L3MBTL4: variants seen among roughly 807,000 people sequenced by gnomAD.
The protein encoded by L3MBTL4 is L3MBTL histone methyl-lysine binding protein 4.
L3MBTL4 carries 70 observed loss-of-function variants against 84.5 expected under a neutral mutation model. The ratio of observed to expected loss-of-function variants is 0.83; its 90% CI spans 0.68 to 1.01. The LOEUF (loss-of-function observed/expected upper bound fraction) is 1.01, where lower values mean the gene tolerates loss of function less well. Ranked by LOEUF, L3MBTL4 falls within the 50% of genes least tolerant of loss-of-function variation. The pLI is 0.00. For synonymous variants in L3MBTL4, 274 were observed against 259.8 expected, an observed-to-expected ratio of 1.05 and a Z score of -0.52; for missense variants, 715 against 754.8, an observed-to-expected ratio of 0.95 and a Z score of 0.62.
At chr18:5,968,942 T>A (rs1015028668) in intron 17 of L3MBTL4, among the ~76,000 whole-genome samples, 1 of 152,118 alleles carries the variant, frequency 6.6e-6, no homozygotes, top group African/African-American at 2.4e-5. Flanking sequence ...CTGGATCCCA[T>A]AAGACCACAG....
In L3MBTL4 at chr18:6,384,147, A is replaced by C. The variant is rs1054800609; in HGVS notation, c.-91+30654T>G. ...CACTCTTCACTCATCAGAAGGAGGA[A>C]GCCACTGCTGCCCTACTGTGCAGAA... On this transcript the variant is annotated intron_variant, in intron 1 of 18. Coordinates refer to ENST00000317931, the MANE Select transcript of L3MBTL4 (RefSeq NM_001330559.2). Among the ~76,000 whole-genome samples, 11 of 152,274 alleles carry C rather than the reference A, an allele frequency of 7.2e-5. No homozygotes were observed. The South Asian group carries it at 1.7e-3, about 23-fold the overall frequency.
chr18:6,258,221 C>T (rs1568393537), intron 5 of L3MBTL4, among the ~76,000 whole-genome samples: 3 of 152,152 alleles, frequency 2.0e-5, no homozygotes, highest in South Asian at 4.1e-4. Context: ...CCAGCATAGA[C>T]CTGCTTTCCT....
chr18:6,094,843 G>A (rs2058578128), intron 14 of L3MBTL4, among the ~76,000 whole-genome samples: 1 of 152,096 alleles, frequency 6.6e-6, no homozygotes, highest in Non-Finnish European at 1.5e-5. Flanking sequence ...GGGACAGGAT[G>A]GCTAAGATGA....
chr18:6,315,299 A>T (rs1221581929), intron 1 of L3MBTL4, among the ~76,000 whole-genome samples: 1 of 152,220 alleles, frequency 6.6e-6, no homozygotes, highest in Non-Finnish European at 1.5e-5. Context: ...TCCAGTTGAT[A>T]CTCGATGTTA....
At chr18:6,273,787 T>A (rs1188125023) in intron 4 of L3MBTL4, among the ~76,000 whole-genome samples, 1 of 152,192 alleles carries the variant, frequency 6.6e-6, no homozygotes, top group Non-Finnish European at 1.5e-5. Flanking sequence ...AAAACAGGAT[T>A]TTTTATAAGA....
intron 5 of L3MBTL4, among the ~76,000 whole-genome samples, chr18:6,255,103 C>T (rs944605217): frequency 1.3e-5 from 2 of 152,192 alleles, no homozygotes; most frequent in African/African-American, 4.8e-5. Context: ...ACATATTTTT[C>T]CCCCAATGAC....
chr18:6,098,144 G>T (rs370171002), intron 14 of L3MBTL4, among the ~76,000 whole-genome samples: 3 of 152,208 alleles, frequency 2.0e-5, no homozygotes, highest in East Asian at 3.9e-4. Flanking sequence ...CCAGGCAGGA[G>T]ACTTGATTCC....
intron 1 of L3MBTL4, among the ~76,000 whole-genome samples, chr18:6,335,422 G>A (rs2052282475): frequency 6.6e-6 from 1 of 152,086 alleles, no homozygotes; most frequent in African/African-American, 2.4e-5. Context: ...AAAATAATAT[G>A]CTATCACAGC....
intron 13 of L3MBTL4, among the ~76,000 whole-genome samples, chr18:6,141,588 C>T (rs559523511): frequency 6.6e-6 from 1 of 152,282 alleles, no homozygotes; most frequent in East Asian, 1.9e-4. Flanking sequence ...GGATCCTTGA[C>T]ATCATTTCTC....
intron 1 of L3MBTL4, among the ~76,000 whole-genome samples, chr18:6,361,419 C>T (rs2053689300): frequency 6.6e-6 from 1 of 152,140 alleles, no homozygotes. Context: ...TGCCCTGTAC[C>T]CACATGATCA....
chr18:6,305,726 G>A (rs991968794), intron 3 of L3MBTL4, among the ~76,000 whole-genome samples: 1 of 152,152 alleles, frequency 6.6e-6, no homozygotes, highest in African/African-American at 2.4e-5. Flanking sequence ...CATCATTTTG[G>A]AAGACAGGAT....
At chr18:6,196,424 T>C (rs2045399317) in intron 12 of L3MBTL4, among the ~76,000 whole-genome samples, 1 of 152,204 alleles carries the variant, frequency 6.6e-6, no homozygotes, top group Non-Finnish European at 1.5e-5. Context: ...CCCAAAATGC[T>C]GGGATTACAG....
chr18:6,231,547 T>C (rs1404450122), intron 10 of L3MBTL4, among the ~76,000 whole-genome samples: 1 of 152,190 alleles, frequency 6.6e-6, no homozygotes, highest in African/African-American at 2.4e-5. Context: ...TACACGAACA[T>C]GGCTTTCCAC....
intron 1 of L3MBTL4, among the ~76,000 whole-genome samples, chr18:6,384,501 T>C (rs982858413): frequency 2.6e-5 from 4 of 152,222 alleles, no homozygotes; most frequent in Non-Finnish European, 5.9e-5. Context: ...TGTGCATGTT[T>C]TACTTTTTGA....
intron 3 of L3MBTL4, among the ~76,000 whole-genome samples, chr18:6,310,840 G>A (rs752491287): frequency 9.2e-5 from 14 of 152,202 alleles, no homozygotes; most frequent in Non-Finnish European, 1.9e-4. Flanking sequence ...AGATGTTGCT[G>A]TGAAGGTATG....
intron 12 of L3MBTL4, among the ~76,000 whole-genome samples, chr18:6,210,010 G>A (rs2145760288): frequency 6.6e-6 from 1 of 152,244 alleles, no homozygotes; most frequent in East Asian, 1.9e-4. Flanking sequence ...AGGGTAGAAT[G>A]AGGTGGCTGC....
intron 4 of L3MBTL4, among the ~76,000 whole-genome samples, chr18:6,264,243 C>T (rs75698141): frequency 0.012 from 1,889 of 152,242 alleles, 35 homozygotes; most frequent in African/African-American, 0.042. Context: ...CTTCCTGTTT[C>T]GGACCAGGCT....
intron 13 of L3MBTL4, among the ~76,000 whole-genome samples, chr18:6,162,169 A>C (rs919018883): frequency 1.3e-5 from 2 of 152,128 alleles, no homozygotes; most frequent in African/African-American, 4.8e-5. Context: ...TAGACAACCT[A>C]CTGTGATATC....
chr18:6,071,350 C>A, intron 16 of L3MBTL4, among the ~76,000 whole-genome samples: 1 of 150,218 alleles, frequency 6.7e-6, no homozygotes, highest in Non-Finnish European at 1.5e-5. Flanking sequence ...AGGATTACAC[C>A]ACTGCACTTC....
Sources: allele counts gnomAD v4.1 joint callset (sites outside exome capture counted in the v4.1 genomes callset), GRCh38; gene constraint gnomAD v4.1.1; transcripts MANE v1.5; gene names NCBI Gene and HGNC (gene_info 2026-07-23, HGNC 2026-07-21).